The following MPPED1 variants were observed in gnomAD, a reference collection of about 807,000 sequenced individuals.
The protein encoded by MPPED1 is metallophosphoesterase domain containing 1.
In MPPED1, 16 loss-of-function variants were observed where a neutral mutation model predicts 36.2. The ratio of observed to expected loss-of-function variants is 0.44; its 90% confidence interval spans 0.30 to 0.67. MPPED1 has a LOEUF of 0.67. MPPED1 is among the 30% of genes least tolerant of loss of function. The pLI, the probability that MPPED1 is intolerant of heterozygous loss-of-function variation, is 0.10. For missense variants in MPPED1, 307 were observed against 453.4 expected (o/e 0.68, Z 2.93); for synonymous variants, 199 against 191.3 (o/e 1.04, Z -0.33).
chr22:43,490,498 G>A (rs1357068136), intron 4 of MPPED1, among the ~76,000 whole-genome samples: 1 of 152,166 alleles, frequency 6.6e-6, no homozygotes, highest in Non-Finnish European at 1.5e-5. Flanking sequence ...TGTTGGGTGA[G>A]GGGAAGGTGG....
Position 43,497,929 on chromosome 22 carries a change from G to GTATATA in MPPED1, c.633-301_633-300insATATAT, listed in dbSNP as rs746068497. ...CTTAGGAAGAAGCTGATATATATAT[G>GTATATA]TATATGTATATATATATATGTATTT... On this transcript the variant is annotated intron_variant, in intron 4 of 6. Transcript: ENST00000443721. Among the ~76,000 whole-genome samples the GTATATA allele has an allele frequency of 8.4e-3, 408 of 48,756 alleles. 23 individuals carry two copies. Among genetic ancestry groups the GTATATA allele is most frequent in the African/African-American group, 0.024 (380 of 15,856 alleles). The allele number at this position is 48,756 out of a possible 152,430, so 32.0% of individuals were successfully genotyped here.
rs1932824100 is a variant in MPPED1, at chr22:43,506,766, A to C, written c.*1150A>C. The C allele has an allele frequency of 6.6e-6, 1 of 152,056 alleles. No individual in the cohort carries two copies. The allele number at this position is 152,056 out of a possible 1,614,324, so 9.4% of individuals were successfully genotyped here. On this transcript the variant is annotated 3_prime_UTR_variant, in exon 7 of 7. Transcript: ENST00000443721. ...GGGGTGGGGCCAGGGCGGTGGTGGG[A>C]ACCGGTAGGGCCTAGATGAGGGGCA...
intron 1 of MPPED1, 38 bp from the exon 2 acceptor site, chr22:43,424,870 C>G (rs771452736): frequency 4.7e-6 from 7 of 1,476,732 alleles, no homozygotes; most frequent in Non-Finnish European, 5.4e-6. Context: ...AAATCCCAAA[C>G]AGATTAACTG....
intron 4 of MPPED1, among the ~76,000 whole-genome samples, chr22:43,489,216 C>T (rs76343626): frequency 0.01 from 1,585 of 152,262 alleles, 25 homozygotes; most frequent in African/African-American, 0.036. Flanking sequence ...AGGACCTCTT[C>T]GCACTTCGCC....
At chr22:43,432,429 AGGGAG>A (rs1929737042) in intron 2 of MPPED1, among the ~76,000 whole-genome samples, 3 of 129,292 alleles carry the variant, frequency 2.3e-5, no homozygotes, top group Admixed American at 2.3e-4. Flanking sequence ...GGAGAGAGAA[AGGGAG>A]GAGAGAAAGG....
intron 4 of MPPED1, among the ~76,000 whole-genome samples, chr22:43,493,394 C>A (rs1932161469): frequency 6.6e-6 from 1 of 152,126 alleles, no homozygotes; most frequent in South Asian, 2.1e-4. Flanking sequence ...AGTGCATGGC[C>A]CAGGGAGGGA....
rs560196256 is a variant in MPPED1, at chr22:43,440,658, C to T, written c.406+5443C>T. Among the ~76,000 whole-genome samples, 6 of 152,270 alleles carry T rather than the reference C, an allele frequency of 3.9e-5. No homozygotes were observed. In the East Asian group the frequency reaches 1.2e-3, roughly 29 times the overall value. On this transcript the variant is annotated intron_variant, in intron 3 of 6. Coordinates refer to ENST00000443721, the MANE Select transcript of MPPED1 (RefSeq NM_001044370.2). ...TGTGACTGGCAGGTGCCAGGCTGGC[C>T]TCCCCACCCCCAGCCACAGGAAGCC...
chr22:43,437,571 C>T (rs567753650), intron 3 of MPPED1, among the ~76,000 whole-genome samples: 107 of 152,162 alleles, frequency 7.0e-4, no homozygotes, highest in Non-Finnish European at 1.2e-3. Context: ...AGGGTGTGGA[C>T]GATGCTGATT....
At chr22:43,451,936 T>G (rs937788113) in intron 3 of MPPED1, among the ~76,000 whole-genome samples, 11 of 152,346 alleles carry the variant, frequency 7.2e-5, no homozygotes, top group African/African-American at 2.6e-4. Flanking sequence ...GTGCCAATCC[T>G]GACTGCCTAG....
chr22:43,483,993 G>T (rs977717440), intron 4 of MPPED1, among the ~76,000 whole-genome samples: 6 of 152,238 alleles, frequency 3.9e-5, no homozygotes, highest in Non-Finnish European at 7.3e-5. Context: ...AGGATGGAGG[G>T]CGAGTCCAAC....
chr22:43,438,802 A>G (rs932425684), intron 3 of MPPED1, among the ~76,000 whole-genome samples: 1 of 152,080 alleles, frequency 6.6e-6, no homozygotes, highest in African/African-American at 2.4e-5. Context: ...CCTTGGGTCA[A>G]TCCTGGCCGC....
chr22:43,468,698 C>T (rs922094041), intron 3 of MPPED1, among the ~76,000 whole-genome samples: 15 of 152,232 alleles, frequency 9.9e-5, no homozygotes, highest in African/African-American at 2.9e-4. Flanking sequence ...GTGTCCCCAG[C>T]GGAGCCTCGC....
chr22:43,463,811 C>CT (rs1555901257), intron 3 of MPPED1, among the ~76,000 whole-genome samples: 8 of 24,210 alleles, frequency 3.3e-4, no homozygotes, highest in South Asian at 2.6e-3. Flanking sequence ...TTTTTCTTTT[C>CT]TTTCTTTCTT....
rs751399577 is a variant in MPPED1 at position 43,502,637 on chromosome 22, A to G, written c.749-7A>G. On this transcript the variant is annotated splice_region_variant and splice_polypyrimidine_tract_variant and intron_variant, in intron 5 of 6. Transcript: ENST00000443721. This position sits in a 1 kb window ranked among gnomAD's most constrained non-coding sequence, Gnocchi z 5.5. ...GTCATGGCCTCCTGTTGTCTCCCCC[A>G]TACCAGGCTTCCTGGACTGGGTCCC... 5 of 1,612,308 alleles carry G rather than the reference A, an allele frequency of 3.1e-6. No individual in the cohort carries two copies. Among genetic ancestry groups the G allele is most frequent in the East Asian group, 4.5e-5 (2 of 44,890 alleles).
intron 3 of MPPED1, among the ~76,000 whole-genome samples, chr22:43,470,868 G>A (rs1221506914): frequency 1.3e-5 from 2 of 152,270 alleles, no homozygotes; most frequent in African/African-American, 4.8e-5. Context: ...TGGACTCAGA[G>A]GGATGTGGTG....
rs927318973 is a variant in MPPED1, at chr22:43,441,795, G to A, written c.406+6580G>A. Among the ~76,000 whole-genome samples, 4 of 152,338 alleles carry A rather than the reference G, an allele frequency of 2.6e-5. No homozygotes were observed. In the East Asian group the frequency reaches 5.8e-4, roughly 22 times the overall value. ...GGAGAAAGGGAAATGGAGAATTTACGTCAAGGCAGTTTCTTTGGTTCTTGC... is the reference window on the plus strand; with the variant it reads ...GGAGAAAGGGAAATGGAGAATTTACATCAAGGCAGTTTCTTTGGTTCTTGC... On this transcript the variant is annotated intron_variant, in intron 3 of 6. Transcript: ENST00000443721.
At chr22:43,412,291 G>A (rs1928929957) in intron 1 of MPPED1, 133 bp downstream of exon 1, 1 of 544,900 alleles carries the variant, frequency 1.8e-6, no homozygotes, top group Non-Finnish European at 2.3e-6. Flanking sequence ...TACTTTGGCC[G>A]CCTTTGCCGG....
intron 3 of MPPED1, among the ~76,000 whole-genome samples, chr22:43,444,603 C>T (rs1430591741): frequency 1.3e-5 from 2 of 151,930 alleles, no homozygotes; most frequent in Non-Finnish European, 2.9e-5. Flanking sequence ...ACTCAGGTGG[C>T]CCACCTGCCT....
intron 3 of MPPED1, among the ~76,000 whole-genome samples, chr22:43,466,770 C>G (rs757056991): frequency 7.2e-5 from 11 of 152,178 alleles, no homozygotes; most frequent in Non-Finnish European, 1.2e-4. Context: ...CAGAATTATT[C>G]GAACTAGACA....
Sources: allele counts gnomAD v4.1 joint callset (sites outside exome capture counted in the v4.1 genomes callset), GRCh38; gene constraint gnomAD v4.1.1; non-coding constraint Gnocchi (gnomAD v3.1); transcripts MANE v1.5; gene names NCBI Gene and HGNC (gene_info 2026-07-23, HGNC 2026-07-21).